KCNB2: variants seen among roughly 807,000 people sequenced by gnomAD.
KCNB2 encodes delayed rectifier potassium channel protein.
KCNB2 carries 15 observed loss-of-function variants against 61.5 expected under a neutral mutation model. That is an observed-to-expected ratio of 0.24 (90% CI 0.16 to 0.38). KCNB2 has a LOEUF of 0.38. Among genes scored for constraint, KCNB2 ranks in the 10% least tolerant of loss-of-function variants. The pLI is 1.00. For synonymous variants in KCNB2, 457 were observed against 446.0 expected (o/e 1.02, Z -0.31); for missense variants, 828 against 1,125.2 (o/e 0.74, Z 3.78).
At chr8:72,805,831 G>A (rs72670023) in intron 2 of KCNB2, among the ~76,000 whole-genome samples, 6,601 of 152,198 alleles carry the variant, frequency 0.043, 241 homozygotes, top group Non-Finnish European at 0.059. Flanking sequence ...GGTAACCTTT[G>A]TGCAAAAAGA....
intron 2 of KCNB2, among the ~76,000 whole-genome samples, chr8:72,747,133 A>G (rs1808088501): frequency 6.6e-6 from 1 of 152,118 alleles, no homozygotes; most frequent in Non-Finnish European, 1.5e-5. Context: ...CACCACCACA[A>G]AGGGAAGCCC....
chr8:72,784,336 A>T (rs1205315489), intron 2 of KCNB2, among the ~76,000 whole-genome samples: 1 of 152,170 alleles, frequency 6.6e-6, no homozygotes, highest in Non-Finnish European at 1.5e-5. Context: ...TTGGATTCCA[A>T]AGTGAGATCA....
chr8:72,881,421 G>A (rs1436201507), intron 2 of KCNB2: 1 of 13,866 alleles, frequency 7.2e-5, no homozygotes, highest in East Asian at 3.6e-4. Context: ...GCCCTGCTTC[G>A]GCTCGCGCAC....
intron 2 of KCNB2, among the ~76,000 whole-genome samples, chr8:72,902,135 A>G (rs1383111189): frequency 6.6e-6 from 1 of 152,172 alleles, no homozygotes; most frequent in East Asian, 1.9e-4. Context: ...GGACTTAAAA[A>G]TGACAAATGG....
At chr8:72,675,109 A>C (rs1370650910) in intron 2 of KCNB2, among the ~76,000 whole-genome samples, 1 of 152,224 alleles carries the variant, frequency 6.6e-6, no homozygotes, top group African/African-American at 2.4e-5. Flanking sequence ...CACATATTGC[A>C]AGAGAACACT....
chr8:72,697,012 C>T (rs1807028621), intron 2 of KCNB2, among the ~76,000 whole-genome samples: 1 of 152,120 alleles, frequency 6.6e-6, no homozygotes, highest in South Asian at 2.1e-4. Flanking sequence ...TAAAAAGTAT[C>T]GATCACAGCA....
chr8:72,797,879 A>AT (rs965657378), intron 2 of KCNB2, among the ~76,000 whole-genome samples: 3 of 152,132 alleles, frequency 2.0e-5, no homozygotes, highest in Non-Finnish European at 2.9e-5. Flanking sequence ...GTGCGTTGCA[A>AT]TTTTTTTAAT....
chr8:72,718,544 C>T (rs1049829524), intron 2 of KCNB2, among the ~76,000 whole-genome samples: 3 of 152,028 alleles, frequency 2.0e-5, no homozygotes, highest in Non-Finnish European at 4.4e-5. Flanking sequence ...AACCATCATT[C>T]TCAGCAAACT....
intron 2 of KCNB2, among the ~76,000 whole-genome samples, chr8:72,884,415 A>C (rs1279582458): frequency 6.6e-6 from 1 of 151,814 alleles, no homozygotes; most frequent in African/African-American, 2.4e-5. Flanking sequence ...ACGTGTGTGT[A>C]TGTGTTGTGG....
intron 2 of KCNB2, among the ~76,000 whole-genome samples, chr8:72,630,262 T>C (rs1805858596): frequency 6.6e-6 from 1 of 152,150 alleles, no homozygotes; most frequent in African/African-American, 2.4e-5. Flanking sequence ...GTTATAGGAA[T>C]TTAGTCTTCA....
chr8:72,826,089 C>T (rs1809591532), intron 2 of KCNB2, among the ~76,000 whole-genome samples: 1 of 152,206 alleles, frequency 6.6e-6, no homozygotes. Flanking sequence ...ACGTATCTGA[C>T]ATCCTTTTTA....
chr8:72,720,693 G>A lies in KCNB2; in HGVS notation c.579+152380G>A, dbSNP rs982908050. 3.3e-5 allele frequency among the ~76,000 whole-genome samples: 5 copies of A among 152,108 alleles called. No homozygotes were observed. In the East Asian group the frequency reaches 9.6e-4, roughly 29 times the overall value. On this transcript the variant is annotated intron_variant, in intron 2 of 2. Transcript: ENST00000523207. ...CCAGCACAGTGACTAGCACATAGTA[G>A]ACACTTGATAAAAACTAGTTGAATG...
At chr8:72,648,909 A>G (rs1282608988) in intron 2 of KCNB2, among the ~76,000 whole-genome samples, 1 of 152,172 alleles carries the variant, frequency 6.6e-6, no homozygotes, top group African/African-American at 2.4e-5. Context: ...GCACTACTTT[A>G]TAAGAATTAT....
At chr8:72,714,242 T>C (rs1807380906) in intron 2 of KCNB2, among the ~76,000 whole-genome samples, 1 of 152,192 alleles carries the variant, frequency 6.6e-6, no homozygotes, top group South Asian at 2.1e-4. Flanking sequence ...CTCTGCAGGA[T>C]ATTATCCAGG....
rs1433731116 is a variant in KCNB2 at position 72,590,306 on chromosome 8, AAGAAT to A, written c.579+21994_579+21998del. Among the ~76,000 whole-genome samples the A allele has an allele frequency of 2.0e-5, 3 of 152,166 alleles. No homozygotes were observed. In the East Asian group the frequency reaches 5.8e-4, roughly 29 times the overall value. On this transcript the variant is annotated intron_variant, in intron 2 of 2. Transcript: ENST00000523207. ...ATTTTACCAAATCCAAAAACAAAAT[AAGAAT>A]GGAGGTGTCTTCCTGAGATTGTTCT... is the stretch of plus-strand genomic sequence containing the variant.
At chr8:72,739,766 G>T (rs1807916911) in intron 2 of KCNB2, among the ~76,000 whole-genome samples, 1 of 152,116 alleles carries the variant, frequency 6.6e-6, no homozygotes, top group Admixed American at 6.6e-5. Flanking sequence ...GGAAGCTTTG[G>T]AAGAAATAGA....
At chr8:72,572,788 G>T (rs193123654) in intron 2 of KCNB2, among the ~76,000 whole-genome samples, 59 of 152,298 alleles carry the variant, frequency 3.9e-4, no homozygotes, top group African/African-American at 1.3e-3. Flanking sequence ...ATGGTACTAC[G>T]TAAGTTTTTT....
chr8:72,840,829 A>G (rs552735602), intron 2 of KCNB2, among the ~76,000 whole-genome samples: 3 of 152,130 alleles, frequency 2.0e-5, no homozygotes, highest in Non-Finnish European at 2.9e-5. Flanking sequence ...ATAGATTGCA[A>G]AAATTTTCTC....
At position 72,786,678 on chromosome 8, in the gene KCNB2, G is replaced by A. The variant is rs547489370; in HGVS notation, c.580-149257G>A. Among the ~76,000 whole-genome samples, 15 of 152,210 alleles carry A rather than the reference G, an allele frequency of 9.9e-5. No individual in the cohort carries two copies. In the East Asian group the frequency reaches 2.3e-3, roughly 24 times the overall value. ...ATTATTTTACATGATCAGACAATTC[G>A]GTTAATCATCTTCAGGGCCAGGAGA... On this transcript the variant is annotated intron_variant, in intron 2 of 2. Transcript: ENST00000523207.
Sources: gnomAD v4.1 joint callset for allele counts (sites outside exome capture counted in the v4.1 genomes callset) on GRCh38, gnomAD v4.1.1 for gene constraint, MANE v1.5 for transcripts, NCBI Gene and HGNC (gene_info 2026-07-23, HGNC 2026-07-21) for gene names.